Variants in FAT3 observed in about 807,000 individuals in gnomAD.
FAT3 encodes the protein protocadherin Fat 3.
In FAT3, 95 loss-of-function variants were observed where a neutral mutation model predicts 310.2. That is an observed-to-expected ratio of 0.31 (90% CI 0.26 to 0.36). FAT3 has a LOEUF of 0.36. Among genes scored for constraint, FAT3 ranks in the 10% least tolerant of loss-of-function variants. The probability of loss-of-function intolerance (pLI) is 1.00; values close to 1 mark genes in which losing one functional copy is unlikely to be tolerated. For synonymous variants in FAT3, 2,314 were observed against 2,192.9 expected (o/e 1.06, Z -1.54); for missense variants, 5,408 against 5,715.6 (o/e 0.95, Z 1.74).
At chr11:92,806,611 T>C (rs1947514242) in intron 12 of FAT3, 96 bp downstream of exon 12, 1 of 1,051,024 alleles carries the variant, frequency 9.5e-7, no homozygotes, top group Admixed American at 2.9e-5. Context: ...GTTAGTAGTA[T>C]ACTTACTCTT....
At chr11:92,551,657 T>A (rs1277239810) in intron 3 of FAT3, among the ~76,000 whole-genome samples, 1 of 152,154 alleles carries the variant, frequency 6.6e-6, no homozygotes, top group South Asian at 2.1e-4. Context: ...TACTTGGTTA[T>A]GTTATTAGAG....
At chr11:92,255,718 C>T (rs1180362927) in intron 1 of FAT3, among the ~76,000 whole-genome samples, 1 of 152,138 alleles carries the variant, frequency 6.6e-6, no homozygotes, top group Non-Finnish European at 1.5e-5. Context: ...AAGAGTAACA[C>T]CTGCCCTATA....
At chr11:92,388,713 T>C (rs1949682359) in intron 2 of FAT3, among the ~76,000 whole-genome samples, 1 of 152,130 alleles carries the variant, frequency 6.6e-6, no homozygotes, top group Non-Finnish European at 1.5e-5. Flanking sequence ...CAAAGAAATA[T>C]ATGCAAATCA....
chr11:92,811,759 T>A (rs1203092349), intron 13 of FAT3, among the ~76,000 whole-genome samples: 1 of 151,970 alleles, frequency 6.6e-6, no homozygotes, highest in East Asian at 1.9e-4. Flanking sequence ...GAGACAGAGA[T>A]TATAGGGGTG....
At chr11:92,441,332 G>A (rs563674452) in intron 2 of FAT3, among the ~76,000 whole-genome samples, 4 of 152,296 alleles carry the variant, frequency 2.6e-5, no homozygotes, top group East Asian at 1.9e-4. Flanking sequence ...AGAGTTTTAC[G>A]TGGATCATGT....
intron 2 of FAT3, among the ~76,000 whole-genome samples, chr11:92,402,536 C>G (rs1019690098): frequency 2.0e-5 from 3 of 151,658 alleles, no homozygotes; most frequent in Admixed American, 2.0e-4. Context: ...TCCAGACCAG[C>G]CTAGGAAACA....
intron 3 of FAT3, among the ~76,000 whole-genome samples, chr11:92,583,097 A>AC (rs1821455251): frequency 6.6e-6 from 1 of 151,870 alleles, no homozygotes; most frequent in Non-Finnish European, 1.5e-5. Context: ...AAAAAAAAAA[A>AC]CTACTCATTT....
At chr11:92,374,759 C>T (rs889606608) in intron 2 of FAT3, among the ~76,000 whole-genome samples, 3 of 152,166 alleles carry the variant, frequency 2.0e-5, no homozygotes, top group African/African-American at 7.2e-5. Flanking sequence ...AAAACACTAC[C>T]TCCACCCTTT....
chr11:92,258,462 A>C (rs1241066760), intron 1 of FAT3, among the ~76,000 whole-genome samples: 1 of 152,072 alleles, frequency 6.6e-6, no homozygotes, highest in East Asian at 1.9e-4. Flanking sequence ...TGTGCCAAGA[A>C]GGAGATGTTC....
intron 2 of FAT3, among the ~76,000 whole-genome samples, chr11:92,504,054 A>T (rs762060607): frequency 5.9e-5 from 9 of 152,168 alleles, no homozygotes; most frequent in Non-Finnish European, 8.8e-5. Context: ...AGTGACTTGA[A>T]CATTTCCATC....
chr11:92,494,492 A>C (rs1952696628), intron 2 of FAT3, among the ~76,000 whole-genome samples: 1 of 152,068 alleles, frequency 6.6e-6, no homozygotes, highest in Non-Finnish European at 1.5e-5. Flanking sequence ...TACTTTTATA[A>C]CTGTGATCAC....
chr11:92,851,745 G>C (rs1948835062), intron 19 of FAT3, among the ~76,000 whole-genome samples: 1 of 151,166 alleles, frequency 6.6e-6, no homozygotes, highest in Admixed American at 6.6e-5. Flanking sequence ...CAGCCTATGA[G>C]CCCACATCCC....
chr11:92,233,050 T>C (rs1426626050), intron 1 of FAT3, among the ~76,000 whole-genome samples: 5 of 152,190 alleles, frequency 3.3e-5, no homozygotes, highest in African/African-American at 1.2e-4. Context: ...TTAATATTCT[T>C]GTTGTTGGAT....
chr11:92,320,410 T>C (rs1280314380), intron 1 of FAT3, among the ~76,000 whole-genome samples: 1 of 147,528 alleles, frequency 6.8e-6, no homozygotes, highest in Non-Finnish European at 1.5e-5. Flanking sequence ...TGCTGGCCCA[T>C]GCATTCTTTT....
chr11:92,300,063 C>T (rs1455424229), intron 1 of FAT3, among the ~76,000 whole-genome samples: 1 of 152,126 alleles, frequency 6.6e-6, no homozygotes, highest in Non-Finnish European at 1.5e-5. Flanking sequence ...ATGAGTAAGT[C>T]TCCTGTTGTC....
At chr11:92,316,415 A>T (rs185527324) in intron 1 of FAT3, among the ~76,000 whole-genome samples, 10 of 152,140 alleles carry the variant, frequency 6.6e-5, no homozygotes, top group Admixed American at 1.3e-4. Context: ...TGCTTTGATT[A>T]AAAAAAACTA....
At chr11:92,600,045 G>A (rs551543955) in intron 3 of FAT3, among the ~76,000 whole-genome samples, 7 of 152,136 alleles carry the variant, frequency 4.6e-5, no homozygotes, top group Non-Finnish European at 8.8e-5. Context: ...CTCTCTATAT[G>A]TCTATACATG....
intron 2 of FAT3, among the ~76,000 whole-genome samples, chr11:92,380,024 C>G (rs1949449154): frequency 1.3e-5 from 2 of 151,580 alleles, no homozygotes; most frequent in Non-Finnish European, 2.9e-5. Flanking sequence ...GGATAGTTCT[C>G]TTGCTTGATG....
At chr11:92,293,061 GAA>G (rs1946735322) in intron 1 of FAT3, among the ~76,000 whole-genome samples, 1 of 143,194 alleles carries the variant, frequency 7.0e-6, no homozygotes, top group African/African-American at 2.8e-5. Flanking sequence ...AGGAAGGAAG[GAA>G]GGAAGGAAGG....
Sources: allele counts gnomAD v4.1 joint callset (sites outside exome capture counted in the v4.1 genomes callset), GRCh38; gene constraint gnomAD v4.1.1; transcripts MANE v1.5; gene names NCBI Gene and HGNC (gene_info 2026-07-23, HGNC 2026-07-21).